Variants in MARCHF7 observed in about 807,000 individuals in gnomAD.
MARCHF7 encodes the protein E3 ubiquitin-protein ligase MARCHF7.
In MARCHF7, 20 loss-of-function variants were observed where a neutral mutation model predicts 76.5. That is an observed-to-expected ratio of 0.26 (90% confidence interval 0.18 to 0.38). The LOEUF (loss-of-function observed/expected upper bound fraction) is 0.38. Among genes scored for constraint, MARCHF7 ranks in the 10% least tolerant of loss-of-function variants. The probability of loss-of-function intolerance (pLI) is 1.00; values close to 1 mark genes in which losing one functional copy is unlikely to be tolerated. For synonymous variants in MARCHF7, 295 were observed against 293.0 expected (o/e 1.01, Z -0.07); for missense variants, 797 against 812.9 (o/e 0.98, Z 0.24).
Position 159,762,983 on chromosome 2 carries a change from C to T in MARCHF7, c.1997C>T (p.Thr666Ile). The change falls in exon 10 of 12, where the codon ACA becomes ATA. Residue 666 changes from threonine to isoleucine, a missense_variant. Coordinates refer to ENST00000409175, the MANE Select transcript of MARCHF7 (RefSeq NM_001282805.2). ...ATGGGAAATACAAATGAACCAAGCA[C>T]ACGTGTCCGAGTAAGTAATAATGAA... is the stretch of plus-strand genomic sequence containing the variant. ...DMMGNTNEPS[T>I]RVRFINLART... 1 of 1,609,990 alleles carries T rather than the reference C, an allele frequency of 6.2e-7. No homozygotes were observed.
intron 11 of MARCHF7, among the ~76,000 whole-genome samples, chr2:159,765,331 A>T (rs535543859): frequency 2.0e-5 from 3 of 152,022 alleles, no homozygotes; most frequent in Non-Finnish European, 2.9e-5. Context: ...AAGTGAAGGC[A>T]CTTAATTCTC....
In MARCHF7 at chr2:159,762,938, A is replaced by C. The variant is rs1707291967; in HGVS notation, c.1952A>C (p.Glu651Ala). The C allele has an allele frequency of 6.2e-7, 1 of 1,613,292 alleles. No homozygotes were observed. Among genetic ancestry groups the C allele is most frequent in the South Asian group, 1.1e-5 (1 of 90,990 alleles). Reference sequence around the variant, plus strand: ...CTAGTGGTGTTATTGCACTTGTGCGAACAAAGCTTTTCTGATATGATGGGA... The same window carrying C: ...CTAGTGGTGTTATTGCACTTGTGCGCACAAAGCTTTTCTGATATGATGGGA... ...LYLVVLLHLC[E>A]QSFSDMMGNT... Residue 651 changes from glutamate to alanine, a missense_variant, in exon 10 of 12, where the codon GAA (glutamate) becomes GCA (alanine). Around this residue, in one of 3 missense-constraint regions of MARCHF7, gnomAD observed 124 missense variants for 121.3 expected, o/e 1.02. Transcript: ENST00000409175.
chr2:159,742,186 T>G (rs1294309346), intron 4 of MARCHF7, among the ~76,000 whole-genome samples: 1 of 152,198 alleles, frequency 6.6e-6, no homozygotes, highest in Admixed American at 6.5e-5. Context: ...ATGAGCCATG[T>G]TTTAAAATAT....
chr2:159,745,158 C>T (rs571966151), intron 5 of MARCHF7, among the ~76,000 whole-genome samples: 6 of 151,994 alleles, frequency 3.9e-5, no homozygotes, highest in Non-Finnish European at 5.9e-5. Flanking sequence ...GTTCTGTAAT[C>T]GTTTTACATA....
rs980789471 is a variant in MARCHF7 at position 159,770,333 on chromosome 2, G to A, written c.*2991G>A. The A allele has an allele frequency of 6.6e-6, 1 of 151,898 alleles. No individual in the cohort carries two copies. The highest frequency in any genetic ancestry group is 2.4e-5 in the African/African-American group (1 of 41,230). The allele number at this position is 151,898 out of a possible 1,614,324, so 9.4% of individuals were successfully genotyped here. A position where few individuals can be genotyped will look rare whatever the true frequency, so the allele number is the denominator to read the frequency against. On this transcript the variant is annotated 3_prime_UTR_variant, in exon 12 of 12. Coordinates refer to ENST00000409175, the MANE Select transcript of MARCHF7 (RefSeq NM_001282805.2). ...TTGTGTAACAGCTGGTGTAATGCCT[G>A]CATTTTCAGTACCATGTAGCCGCAC...
At position 159,712,620 on chromosome 2, in the gene MARCHF7, C is replaced by G. The variant is rs1256587069; in HGVS notation, c.-143+14C>G. On this transcript the variant is annotated intron_variant, in intron 1 of 11. Coordinates refer to ENST00000409175, the MANE Select transcript of MARCHF7 (RefSeq NM_001282805.2). The stretch of plus-strand genomic sequence containing the variant: ...AGAAAGGCGGCGGTGCGTGTTGCTG[C>G]GAGTGGGACGCGCACTGGTCGGTGC... 1 of 152,592 alleles carries G rather than the reference C, an allele frequency of 6.6e-6. No individual in the cohort carries two copies. Among genetic ancestry groups the G allele is most frequent in the Non-Finnish European group, 1.5e-5 (1 of 68,234 alleles). The allele number at this position is 152,592 out of a possible 1,614,324, so 9.5% of individuals were successfully genotyped here. A position where few individuals can be genotyped will look rare whatever the true frequency, so the allele number is the denominator to read the frequency against.
At chr2:159,725,447 T>C (rs1447178607) in intron 3 of MARCHF7, among the ~76,000 whole-genome samples, 1 of 152,218 alleles carries the variant, frequency 6.6e-6, no homozygotes. Context: ...TGATGAGCAT[T>C]TTTTCATGTG....
At chr2:159,767,228 T>C in intron 11 of MARCHF7, 56 bp from the exon 12 acceptor site, 1 of 1,256,258 alleles carries the variant, frequency 8.0e-7, no homozygotes, top group Non-Finnish European at 1.2e-6. Flanking sequence ...ATATTTACAC[T>C]TCCCATTCTT....
Position 159,748,786 on chromosome 2 carries a change from A to G in MARCHF7, c.1496A>G (p.Asn499Ser), listed in dbSNP as rs773298617. Residue 499 changes from asparagine to serine, a missense_variant, in exon 7 of 12, where the codon AAT becomes AGT. By Grantham distance (46) the Asn-to-Ser change is conservative (BLOSUM62 1). Coordinates refer to ENST00000409175, the MANE Select transcript of MARCHF7 (RefSeq NM_001282805.2). ...PPALGSNLTD[N>S]VMITVDIIPS... ...GCACTTGGGAGTAATTTGACCGACA[A>G]TGTCATGATCACAGTAGATATTATT... 27 of 1,614,018 alleles carry G rather than the reference A, an allele frequency of 1.7e-5. No individual in the cohort carries two copies. Among genetic ancestry groups the G allele is most frequent in the African/African-American group, 6.7e-5 (5 of 74,910 alleles).
chr2:159,748,769 G>A lies in MARCHF7; in HGVS notation c.1479G>A (p.Gly493=). The change falls in exon 7 of 12, where the codon GGG becomes GGA. Residue 493 remains glycine (G), a synonymous_variant. Coordinates refer to ENST00000409175, the MANE Select transcript of MARCHF7 (RefSeq NM_001282805.2). ...LFRFAVPPAL[G]SNLTDNVMIT... is the part of the protein sequence containing the mutation. ...GGTTTGCAGTCCCTCCAGCACTTGG[G>A]AGTAATTTGACCGACAATGTCATGA... is the stretch of plus-strand genomic sequence containing the variant. 1.2e-6 allele frequency: 2 copies of A among 1,614,158 alleles called. No homozygotes were observed. Among genetic ancestry groups the A allele is most frequent in the Non-Finnish European group, 1.7e-6 (2 of 1,180,028 alleles).
chr2:159,743,082 G>C lies in MARCHF7; in HGVS notation c.175G>C (p.Ala59Pro), dbSNP rs780659550. Residue 59 changes from alanine to proline, a missense_variant, in exon 5 of 12, where the codon GCG (alanine) becomes CCG (proline). By Grantham distance (27) the Ala-to-Pro change is conservative. Transcript: ENST00000409175. Reference protein sequence around the residue: ...EYQSTSASASASPFQSAWYSE... With the variant: ...EYQSTSASASPSPFQSAWYSE... ...ACAGTCTACATCAGCATCAGCATCT[G>C]CGTCACCATTTCAATCTGCATGGTA... 1.2e-6 allele frequency: 2 copies of C among 1,613,730 alleles called. No homozygotes were observed. Among genetic ancestry groups the C allele is most frequent in the Non-Finnish European group, 8.5e-7 (1 of 1,179,858 alleles).
At chr2:159,736,408 T>A (rs2125477924) in intron 4 of MARCHF7, among the ~76,000 whole-genome samples, 1 of 152,360 alleles carries the variant, frequency 6.6e-6, no homozygotes, top group Non-Finnish European at 1.5e-5. Flanking sequence ...GGCCGTTTAC[T>A]GTACATTTTT....
At position 159,717,462 on chromosome 2, in the gene MARCHF7, A is replaced by G. The variant is rs544312269; in HGVS notation, c.-15+1696A>G. 2.3e-3 allele frequency among the ~76,000 whole-genome samples: 348 copies of G among 152,346 alleles called. 2 individuals are homozygous for G. Among genetic ancestry groups the G allele is most frequent in the African/African-American group, 8.2e-3 (339 of 41,586 alleles). On this transcript the variant is annotated intron_variant, in intron 3 of 11. Coordinates refer to ENST00000409175, the MANE Select transcript of MARCHF7 (RefSeq NM_001282805.2). ...TAATAGTTGAAGACTTGATTGGTAC[A>G]TGGAAGCTCATTATTGGCTGTACCT...
intron 4 of MARCHF7, chr2:159,732,825 C>A: frequency 1.0e-6 from 1 of 984,316 alleles, no homozygotes; most frequent in Non-Finnish European, 1.2e-6. Flanking sequence ...TGCCATCATG[C>A]CTGGCCTGTA....
intron 7 of MARCHF7, among the ~76,000 whole-genome samples, chr2:159,750,765 G>A: frequency 6.6e-6 from 1 of 151,728 alleles, no homozygotes; most frequent in Non-Finnish European, 1.5e-5. Context: ...CTTGGAGGAA[G>A]AAAAGACTTA....
chr2:159,733,509 A>T, intron 4 of MARCHF7: 2 of 981,092 alleles, frequency 2.0e-6, no homozygotes, highest in Non-Finnish European at 2.4e-6. Context: ...AGGTGCTGGG[A>T]TTACAGGCAT....
At position 159,759,092 on chromosome 2, in the gene MARCHF7, C is replaced by T. The variant is rs879063612; in HGVS notation, c.1784-134C>T. On this transcript the variant is annotated intron_variant, in intron 8 of 11. Transcript: ENST00000409175. ...ATTAGGGGACATTACTGGTTTACTG[C>T]AGAAATGTAATATTTCCTTTTCTTC... The T allele has an allele frequency of 6.9e-6, 4 of 580,214 alleles. No homozygotes were observed. In the South Asian group the frequency reaches 8.4e-5, roughly 12 times the overall value. The allele number at this position is 580,214 out of a possible 1,614,324, so 35.9% of individuals were successfully genotyped here.
intron 4 of MARCHF7, among the ~76,000 whole-genome samples, chr2:159,729,761 A>G (rs1702567691): frequency 6.6e-6 from 1 of 152,100 alleles, no homozygotes; most frequent in South Asian, 2.1e-4. Flanking sequence ...AATCAATGTG[A>G]ATGGCTTTGT....
intron 3 of MARCHF7, among the ~76,000 whole-genome samples, chr2:159,724,312 C>G (rs945296107): frequency 1.3e-5 from 2 of 152,146 alleles, no homozygotes; most frequent in Non-Finnish European, 2.9e-5. Flanking sequence ...CCCATTACTT[C>G]TGGTTTTCTG....
Sources: gnomAD v4.1 joint callset for allele counts (sites outside exome capture counted in the v4.1 genomes callset) on GRCh38, gnomAD v4.1.1 for gene constraint, gnomAD v4.1.1 regional missense constraint, MANE v1.5 for transcripts, NCBI Gene and HGNC (gene_info 2026-07-23, HGNC 2026-07-21) for gene names.